Variants in CNIH3 observed in about 807,000 individuals in gnomAD.
CNIH3 encodes the protein cornichon family AMPA receptor auxiliary protein 3.
In CNIH3, 14 loss-of-function variants were observed where a neutral mutation model predicts 24.1. The ratio of observed to expected loss-of-function variants is 0.58; its 90% confidence interval spans 0.38 to 0.91. The LOEUF is 0.91. Ranked by LOEUF, CNIH3 falls within the 40% of genes least tolerant of loss-of-function variation. The pLI is 0.00. For synonymous variants in CNIH3, 68 were observed against 73.8 expected (o/e 0.92, Z 0.40); for missense variants, 178 against 196.8 (o/e 0.90, Z 0.57).
chr1:224,596,851 G>A (rs778653544), intron 3 of CNIH3, among the ~76,000 whole-genome samples: 1 of 152,074 alleles, frequency 6.6e-6, no homozygotes, highest in Non-Finnish European at 1.5e-5. Context: ...ACAAAAGCAG[G>A]CATCAAAAAA....
At chr1:224,580,339 A>G (rs1681217954) in intron 4 of CNIH3, among the ~76,000 whole-genome samples, 1 of 152,190 alleles carries the variant, frequency 6.6e-6, no homozygotes, top group South Asian at 2.1e-4. Context: ...AAAGTATCTG[A>G]CACAAGCCTC....
downstream of CNIH3, among the ~76,000 whole-genome samples, chr1:224,538,531 T>A (rs2124944045): frequency 6.6e-6 from 1 of 151,596 alleles, no homozygotes; most frequent in East Asian, 1.9e-4. Flanking sequence ...TTTGGTGGAG[T>A]TTTCAAACCC....
intron 1 of CNIH3, chr1:224,436,788 T>A (rs1047124886): frequency 6.6e-6 from 1 of 152,246 alleles, no homozygotes; most frequent in Admixed American, 6.5e-5. Context: ...CCACATTACC[T>A]ACAGAATAAA....
At chr1:224,560,637 T>C (rs1222831236) in intron 3 of CNIH3, among the ~76,000 whole-genome samples, 1 of 151,738 alleles carries the variant, frequency 6.6e-6, no homozygotes, top group African/African-American at 2.4e-5. Context: ...ACATGCTCCT[T>C]ATGAAAATCT....
upstream of CNIH3, among the ~76,000 whole-genome samples, chr1:224,514,462 T>G (rs1266204547): frequency 6.6e-6 from 1 of 152,212 alleles, no homozygotes; most frequent in Non-Finnish European, 1.5e-5. Context: ...AAAACTTACA[T>G]AAGTTGATTT....
chr1:224,632,609 C>G (rs1008347589), intron 1 of CNIH3, among the ~76,000 whole-genome samples: 1 of 151,716 alleles, frequency 6.6e-6, no homozygotes, highest in Non-Finnish European at 1.5e-5. Flanking sequence ...TATGTGAGAG[C>G]GGGGTGGGGT....
chr1:224,489,114 A>G (rs182928946), intron 1 of CNIH3, among the ~76,000 whole-genome samples: 2 of 151,876 alleles, frequency 1.3e-5, no homozygotes, highest in Non-Finnish European at 2.9e-5. Flanking sequence ...GAGTTCTGCT[A>G]TGTTTCTCTG....
chr1:224,679,688 T>G lies in CNIH3; in HGVS notation c.82-1270T>G, dbSNP rs565667910. 4.4e-4 allele frequency among the ~76,000 whole-genome samples: 67 copies of G among 152,324 alleles called. No homozygotes were observed. The South Asian group carries it at 0.011, about 25-fold the overall frequency. On this transcript the variant is annotated intron_variant, in intron 1 of 5. Coordinates refer to ENST00000272133, the MANE Select transcript of CNIH3 (RefSeq NM_152495.2). Reference sequence around the variant, plus strand: ...TTTTCTTCAAATTCTGTAGGAGGATTGAAATCAGGATGACATATGACTGCT... The same window carrying G: ...TTTTCTTCAAATTCTGTAGGAGGATGGAAATCAGGATGACATATGACTGCT...
chr1:224,660,366 C>T (rs1440112423), intron 1 of CNIH3, among the ~76,000 whole-genome samples: 1 of 152,100 alleles, frequency 6.6e-6, no homozygotes, highest in African/African-American at 2.4e-5. Context: ...GGGTCCCTCC[C>T]ACAACACATG....
chr1:224,486,924 G>T (rs1332103614), intron 1 of CNIH3, among the ~76,000 whole-genome samples: 1 of 152,170 alleles, frequency 6.6e-6, no homozygotes, highest in Non-Finnish European at 1.5e-5. Flanking sequence ...TTATCCCCAG[G>T]TCGGCTGACT....
Position 224,704,156 on chromosome 1 carries a change from T to C in CNIH3, c.198+19313T>C, listed in dbSNP as rs1361427984. 1.3e-5 allele frequency among the ~76,000 whole-genome samples: 2 copies of C among 149,656 alleles called. No homozygotes were observed. Among genetic ancestry groups the C allele is most frequent in the African/African-American group, 5.1e-5 (2 of 39,086 alleles). The stretch of plus-strand genomic sequence containing the variant: ...GTGGAAGGACGGTGTGTGTCCTGCC[T>C]GGTGTGAGCAGGCTGCATCACCTAC... On this transcript the variant is annotated intron_variant, in intron 3 of 5. Coordinates refer to ENST00000272133, the MANE Select transcript of CNIH3 (RefSeq NM_152495.2). The surrounding 1 kb of genome is among the most constrained non-coding windows in gnomAD (Gnocchi z 4.2).
intron 3 of CNIH3, among the ~76,000 whole-genome samples, chr1:224,711,644 A>T (rs1263195819): frequency 6.6e-6 from 1 of 151,174 alleles, no homozygotes; most frequent in Non-Finnish European, 1.5e-5. Context: ...AAAATACAAA[A>T]ATTAGCCAGG....
At chr1:224,688,097 A>G (rs1167933485) in intron 3 of CNIH3, among the ~76,000 whole-genome samples, 1 of 152,204 alleles carries the variant, frequency 6.6e-6, no homozygotes, top group Non-Finnish European at 1.5e-5. Flanking sequence ...AGGCGATGGG[A>G]CTAAGCAGTA....
chr1:224,739,763 C>A lies in CNIH3; in HGVS notation c.*407C>A. ...AGGCCACAAGGTGCTTGCTAAGGAACAGAATGACCCAGAGTCAAGGCCAAG... is the reference window on the plus strand; with the variant it reads ...AGGCCACAAGGTGCTTGCTAAGGAAAAGAATGACCCAGAGTCAAGGCCAAG... On this transcript the variant is annotated 3_prime_UTR_variant, in exon 6 of 6. Transcript: ENST00000272133. The A allele has an allele frequency of 4.9e-6, 1 of 205,910 alleles. No homozygotes were observed. The highest frequency in any genetic ancestry group is 9.5e-6 in the Non-Finnish European group (1 of 105,666). The allele number at this position is 205,910 out of a possible 1,614,324, so 12.8% of individuals were successfully genotyped here. A position where few individuals can be genotyped will look rare whatever the true frequency, so the allele number is the denominator to read the frequency against.
intron 1 of CNIH3, among the ~76,000 whole-genome samples, chr1:224,655,632 T>C (rs1019077187): frequency 6.6e-6 from 1 of 152,190 alleles, no homozygotes; most frequent in Non-Finnish European, 1.5e-5. Context: ...CACTTGTTTG[T>C]TCTCCAACTT....
upstream of CNIH3, among the ~76,000 whole-genome samples, chr1:224,511,432 C>T (rs1008265554): frequency 2.0e-5 from 3 of 152,204 alleles, no homozygotes; most frequent in African/African-American, 7.2e-5. Flanking sequence ...TTGGATTGAA[C>T]CTGTGGGTTC....
rs149905482 is a variant in CNIH3 at position 224,618,635 on chromosome 1, C to A, written c.81+1380C>A. The stretch of plus-strand genomic sequence containing the variant: ...AGGAAAGACCCTTGCTGGCTTCCTT[C>A]CACATCTCTAAAGTGAGAAAATTGA... On this transcript the variant is annotated intron_variant, in intron 1 of 5. Coordinates refer to ENST00000272133, the MANE Select transcript of CNIH3 (RefSeq NM_152495.2). 1.1e-3 allele frequency among the ~76,000 whole-genome samples: 167 copies of A among 152,334 alleles called. 2 individuals are homozygous for A. The highest frequency in any genetic ancestry group is 3.8e-3 in the African/African-American group (159 of 41,576).
chr1:224,688,054 A>G (rs1436231804), intron 3 of CNIH3, among the ~76,000 whole-genome samples: 1 of 152,120 alleles, frequency 6.6e-6, no homozygotes, highest in Admixed American at 6.5e-5. Context: ...AATGTTAAGG[A>G]TGTTACCTGT....
At chr1:224,462,133 T>C (rs1266076588) in intron 1 of CNIH3, among the ~76,000 whole-genome samples, 2 of 152,120 alleles carry the variant, frequency 1.3e-5, no homozygotes, top group African/African-American at 4.8e-5. Context: ...GTTGGTGTAT[T>C]TGTTACCATC....
Sources: gnomAD v4.1 joint callset for allele counts (sites outside exome capture counted in the v4.1 genomes callset) on GRCh38, gnomAD v4.1.1 for gene constraint, Gnocchi (gnomAD v3.1) non-coding constraint, MANE v1.5 for transcripts, NCBI Gene and HGNC (gene_info 2026-07-23, HGNC 2026-07-21) for gene names.